Variants in CCDC149 observed in about 807,000 individuals in gnomAD.
CCDC149 encodes coiled-coil domain-containing protein 149.
A neutral mutation model predicts 59.9 loss-of-function variants in CCDC149; 45 were observed. The ratio of observed to expected loss-of-function variants is 0.75; its 90% confidence interval spans 0.59 to 0.96. CCDC149 has a LOEUF of 0.96. Among genes scored for constraint, CCDC149 ranks in the 40% least tolerant of loss-of-function variants. The pLI, the probability that CCDC149 is intolerant of heterozygous loss-of-function variation, is 0.00. For missense variants in CCDC149, 584 were observed against 664.7 expected (o/e 0.88, Z 1.33); for synonymous variants, 245 against 260.6 (o/e 0.94, Z 0.58).
chr4:24,838,915 A>C (rs1282256416), intron 4 of CCDC149, among the ~76,000 whole-genome samples: 1 of 152,138 alleles, frequency 6.6e-6, no homozygotes, highest in African/African-American at 2.4e-5. Flanking sequence ...AGGTAACACC[A>C]GATAACAAGT....
chr4:24,976,794 A>G (rs1724219524), intron 1 of CCDC149, among the ~76,000 whole-genome samples: 1 of 152,164 alleles, frequency 6.6e-6, no homozygotes, highest in Non-Finnish European at 1.5e-5. Flanking sequence ...GGATGTTCCC[A>G]GAAGTGTTGT....
At chr4:24,962,421 C>G (rs1010977916) in intron 1 of CCDC149, among the ~76,000 whole-genome samples, 1 of 152,152 alleles carries the variant, frequency 6.6e-6, no homozygotes, top group Non-Finnish European at 1.5e-5. Flanking sequence ...CAGGGATCTA[C>G]AACTAGAAAT....
At chr4:24,814,271 T>C (rs780356219) in intron 12 of CCDC149, among the ~76,000 whole-genome samples, 1 of 152,194 alleles carries the variant, frequency 6.6e-6, no homozygotes, top group Non-Finnish European at 1.5e-5. Flanking sequence ...GCCTTGCTTT[T>C]TAAAAAAATA....
chr4:24,974,304 A>G (rs1426999625), intron 1 of CCDC149, among the ~76,000 whole-genome samples: 2 of 152,196 alleles, frequency 1.3e-5, no homozygotes, highest in African/African-American at 2.4e-5. Context: ...CCCCGCCCTG[A>G]GTCAGAACCC....
rs770812875 is a variant in CCDC149, at chr4:24,839,888, GGGAC to G, written c.373-1620_373-1617del. On this transcript the variant is annotated intron_variant, in intron 4 of 12. Coordinates refer to ENST00000635206, the MANE Select transcript of CCDC149 (RefSeq NM_001330643.2). ...GGTTTCATATATGAATGGGATCCTG[GGGAC>G]AGTTTTTCACTGTCACACAGATCCG... 2.0e-5 allele frequency among the ~76,000 whole-genome samples: 3 copies of G among 152,260 alleles called. No homozygotes were observed. In the East Asian group the frequency reaches 5.8e-4, roughly 29 times the overall value.
chr4:24,900,323 C>T (rs1721091023), intron 1 of CCDC149, among the ~76,000 whole-genome samples: 1 of 152,230 alleles, frequency 6.6e-6, no homozygotes, highest in Non-Finnish European at 1.5e-5. Flanking sequence ...AACCAGCCAA[C>T]CCACTACAAT....
chr4:24,818,976 T>G (rs1715190155), intron 12 of CCDC149, among the ~76,000 whole-genome samples: 1 of 152,144 alleles, frequency 6.6e-6, no homozygotes, highest in African/African-American at 2.4e-5. Context: ...AAGCAAAACT[T>G]CAAAAGACAT....
intron 1 of CCDC149, among the ~76,000 whole-genome samples, chr4:24,898,886 G>C (rs1577465173): frequency 6.6e-6 from 1 of 152,168 alleles, no homozygotes; most frequent in African/African-American, 2.4e-5. Flanking sequence ...GGCATGGAAT[G>C]ATCTGGCCAG....
chr4:24,956,593 C>A (rs547491424), intron 1 of CCDC149, among the ~76,000 whole-genome samples: 2 of 152,100 alleles, frequency 1.3e-5, no homozygotes, highest in South Asian at 4.2e-4. Context: ...GCCCAGTGAG[C>A]GAGAAGTACT....
At position 24,965,045 on chromosome 4, in the gene CCDC149, T is replaced by C. The variant is rs989066918; in HGVS notation, c.-65+15024A>G. On this transcript the variant is annotated intron_variant, in intron 1 of 12. Coordinates refer to the CCDC149 transcript ENST00000389609. ...TCTTCCTGACTGTCCTTAAAAATGG[T>C]AAAAGGAAGTTCTCTAAGCAGAAAG... 2.0e-5 allele frequency among the ~76,000 whole-genome samples: 3 copies of C among 151,026 alleles called. 1 individual carries two copies. Among genetic ancestry groups the C allele is most frequent in the African/African-American group, 7.4e-5 (3 of 40,596 alleles).
intron 1 of CCDC149, among the ~76,000 whole-genome samples, chr4:24,887,381 C>T (rs373650698): frequency 7.9e-5 from 12 of 152,126 alleles, no homozygotes; most frequent in African/African-American, 2.2e-4. Flanking sequence ...CATTAGCCAC[C>T]GCAAGGGCAT....
chr4:24,861,881 T>C (rs1019336987), intron 3 of CCDC149, among the ~76,000 whole-genome samples: 4 of 152,180 alleles, frequency 2.6e-5, no homozygotes, highest in Admixed American at 2.0e-4. Context: ...CCCTAAATGA[T>C]GCCACTTTGG....
chr4:24,933,565 T>C (rs1441323253), intron 1 of CCDC149, among the ~76,000 whole-genome samples: 1 of 152,196 alleles, frequency 6.6e-6, no homozygotes, highest in Non-Finnish European at 1.5e-5. Flanking sequence ...ATTTATTAAG[T>C]CCTGAAATAG....
chr4:24,922,092 T>C (rs1722312078), intron 1 of CCDC149, among the ~76,000 whole-genome samples: 1 of 152,182 alleles, frequency 6.6e-6, no homozygotes, highest in South Asian at 2.1e-4. Context: ...TCTCTGTGTC[T>C]AAATTTCCCC....
At chr4:24,963,681 C>T (rs370049757) in intron 1 of CCDC149, among the ~76,000 whole-genome samples, 1 of 152,284 alleles carries the variant, frequency 6.6e-6, no homozygotes, top group African/African-American at 2.4e-5. Flanking sequence ...GAGTTGCATG[C>T]ATACTTACCT....
intron 1 of CCDC149, among the ~76,000 whole-genome samples, chr4:24,912,174 A>C (rs1433361261): frequency 1.3e-5 from 2 of 152,190 alleles, no homozygotes; most frequent in Non-Finnish European, 1.5e-5. Context: ...TTTATGACAA[A>C]AGAGTCGCAG....
intron 1 of CCDC149, among the ~76,000 whole-genome samples, chr4:24,966,209 T>C (rs1442181749): frequency 1.3e-5 from 2 of 152,090 alleles, no homozygotes; most frequent in Non-Finnish European, 2.9e-5. Context: ...GGCAGCTATA[T>C]AGACTGTGTG....
At chr4:24,838,958 A>T (rs992073992) in intron 4 of CCDC149, among the ~76,000 whole-genome samples, 1 of 151,888 alleles carries the variant, frequency 6.6e-6, no homozygotes, top group African/African-American at 2.4e-5. Context: ...GGAAAAAAGA[A>T]TACTAACGTT....
At chr4:24,931,595 CT>C (rs1239037369) in intron 1 of CCDC149, among the ~76,000 whole-genome samples, 1 of 151,196 alleles carries the variant, frequency 6.6e-6, no homozygotes, top group African/African-American at 2.4e-5. Context: ...TGAGCCAGCA[CT>C]TTTATACACA....
Sources: allele counts gnomAD v4.1 joint callset (sites outside exome capture counted in the v4.1 genomes callset), GRCh38; gene constraint gnomAD v4.1.1; transcripts MANE v1.5; gene names NCBI Gene and HGNC (gene_info 2026-07-23, HGNC 2026-07-21).